DNM3: variants seen among roughly 807,000 people sequenced by gnomAD.
The protein encoded by DNM3 is dynamin 3.
A neutral mutation model predicts 101.6 loss-of-function variants in DNM3; 47 were observed. That is an observed-to-expected ratio of 0.46 (90% CI 0.37 to 0.59). The LOEUF (loss-of-function observed/expected upper bound fraction) is 0.59, where lower values mean the gene tolerates loss of function less well. DNM3 is among the 20% of genes least tolerant of loss of function. The pLI is 0.00. For missense variants in DNM3, 849 were observed against 1,085.7 expected (o/e 0.78, Z 3.06); for synonymous variants, 385 against 387.9 (o/e 0.99, Z 0.09).
At chr1:172,010,502 TA>T (rs1369935607) in intron 4 of DNM3, among the ~76,000 whole-genome samples, 2 of 151,614 alleles carry the variant, frequency 1.3e-5, no homozygotes, top group Non-Finnish European at 3.0e-5. Context: ...GTTAGCACTT[TA>T]AATATGTCTT....
intron 14 of DNM3, chr1:172,136,766 C>A (rs1473500193): frequency 6.6e-6 from 1 of 152,064 alleles, no homozygotes; most frequent in African/African-American, 2.4e-5. Context: ...AACCCACTCC[C>A]CTATATGCAT....
chr1:172,307,004 A>G (rs1012211815), intron 15 of DNM3, among the ~76,000 whole-genome samples: 2 of 152,224 alleles, frequency 1.3e-5, no homozygotes, highest in Admixed American at 6.5e-5. Flanking sequence ...AAGCAACCAC[A>G]ACAAAAGCCA....
intron 1 of DNM3, among the ~76,000 whole-genome samples, chr1:171,888,937 T>G (rs1157681846): frequency 9.2e-5 from 14 of 152,160 alleles, no homozygotes; most frequent in Admixed American, 9.2e-4. Flanking sequence ...GGATGGTACG[T>G]AAGAAGAAAA....
chr1:172,168,274 A>G (rs1212976664), intron 14 of DNM3, among the ~76,000 whole-genome samples: 1 of 151,784 alleles, frequency 6.6e-6, no homozygotes, highest in African/African-American at 2.4e-5. Context: ...TTCTTAAAAT[A>G]TTAACTACAC....
chr1:172,181,761 A>T (rs984241515), intron 14 of DNM3, among the ~76,000 whole-genome samples: 2 of 151,732 alleles, frequency 1.3e-5, no homozygotes, highest in African/African-American at 2.4e-5. Flanking sequence ...TGTGTAAAAC[A>T]TCACCACTTA....
At chr1:172,156,265 G>A (rs1040093869) in intron 14 of DNM3, among the ~76,000 whole-genome samples, 17 of 152,064 alleles carry the variant, frequency 1.1e-4, no homozygotes, top group African/African-American at 3.9e-4. Context: ...CAGTGTTTAT[G>A]GTATAGATAA....
chr1:171,945,041 A>T (rs2042086269), intron 2 of DNM3, among the ~76,000 whole-genome samples: 3 of 150,390 alleles, frequency 2.0e-5, no homozygotes, highest in African/African-American at 7.3e-5. Flanking sequence ...TTTTTTTTTA[A>T]AAATTATTAT....
chr1:172,041,622 A>G (rs1287861652), intron 7 of DNM3, among the ~76,000 whole-genome samples: 1 of 152,064 alleles, frequency 6.6e-6, no homozygotes, highest in Non-Finnish European at 1.5e-5. Context: ...TGGGGGAGTA[A>G]TAGAGCTGGA....
At chr1:172,347,384 A>T (rs1393171407) in intron 17 of DNM3, among the ~76,000 whole-genome samples, 1 of 152,180 alleles carries the variant, frequency 6.6e-6, no homozygotes, top group African/African-American at 2.4e-5. Context: ...TTCAGAGATG[A>T]GATATTTACA....
intron 17 of DNM3, among the ~76,000 whole-genome samples, chr1:172,327,599 C>T (rs150243822): frequency 4.7e-4 from 72 of 152,106 alleles, no homozygotes; most frequent in Middle Eastern, 3.4e-3. Context: ...AAATGCATGA[C>T]CAAAAGTCAG....
At chr1:171,955,780 A>T (rs12122025) in intron 2 of DNM3, among the ~76,000 whole-genome samples, 3 of 152,026 alleles carry the variant, frequency 2.0e-5, no homozygotes, top group Non-Finnish European at 4.4e-5. Context: ...GACATACCTG[A>T]GACTGGGCAA....
At chr1:172,222,835 CT>C (rs1432634702) in intron 14 of DNM3, among the ~76,000 whole-genome samples, 1 of 152,050 alleles carries the variant, frequency 6.6e-6, no homozygotes, top group East Asian at 1.9e-4. Context: ...AGAGATATAA[CT>C]TGCTCATTCA....
chr1:172,227,271 G>GAT (rs140087796), intron 14 of DNM3, among the ~76,000 whole-genome samples: 12,121 of 77,224 alleles, frequency 0.16, 1,225 homozygotes, highest in East Asian at 0.2. Context: ...AGTATTTTGT[G>GAT]ATATATATAT....
chr1:172,053,926 A>G (rs1014388593), intron 10 of DNM3, among the ~76,000 whole-genome samples: 2 of 152,162 alleles, frequency 1.3e-5, no homozygotes, highest in African/African-American at 4.8e-5. Context: ...AACATGAGCC[A>G]TAGATAAGGT....
intron 20 of DNM3, among the ~76,000 whole-genome samples, chr1:172,396,609 G>A (rs2070024387): frequency 6.6e-6 from 1 of 152,162 alleles, no homozygotes; most frequent in Admixed American, 6.5e-5. Context: ...GAAACTAAGA[G>A]AAAATAAGAC....
At chr1:172,401,279 A>G (rs1235391071) in intron 20 of DNM3, among the ~76,000 whole-genome samples, 1 of 152,230 alleles carries the variant, frequency 6.6e-6, no homozygotes, top group East Asian at 1.9e-4. Flanking sequence ...TTTACAGATC[A>G]TAAACTGAGG....
intron 10 of DNM3, among the ~76,000 whole-genome samples, chr1:172,066,597 A>T (rs1006307436): frequency 1.3e-5 from 2 of 152,204 alleles, no homozygotes; most frequent in African/African-American, 2.4e-5. Context: ...TTGTCAATAT[A>T]GCCACATTGG....
rs560457810 is a variant in DNM3, at chr1:172,193,603, C to T, written c.1660-59970C>T. Reference sequence around the variant, plus strand: ...TTTAGTCTTGGGAGGGTGTATGTGTCGAGGAATTTATCCATTTCCTCTAGA... The same window carrying T: ...TTTAGTCTTGGGAGGGTGTATGTGTTGAGGAATTTATCCATTTCCTCTAGA... On this transcript the variant is annotated intron_variant, in intron 14 of 20. Transcript: ENST00000627582. 1.1e-4 allele frequency among the ~76,000 whole-genome samples: 17 copies of T among 152,132 alleles called. 1 individual carries two copies. The East Asian group carries it at 2.5e-3, about 23-fold the overall frequency.
downstream of DNM3, among the ~76,000 whole-genome samples, chr1:172,417,541 A>G (rs549952125): frequency 3.9e-5 from 6 of 152,174 alleles, no homozygotes; most frequent in Non-Finnish European, 8.8e-5. Context: ...CCTTGGGCCC[A>G]CTTCAGAACA....
Sources: allele counts gnomAD v4.1 joint callset (sites outside exome capture counted in the v4.1 genomes callset), GRCh38; gene constraint gnomAD v4.1.1; transcripts MANE v1.5; gene names NCBI Gene and HGNC (gene_info 2026-07-23, HGNC 2026-07-21).